COL21A1: variants seen among roughly 807,000 people sequenced by gnomAD.
COL21A1 encodes collagen type XXI alpha 1 chain.
COL21A1 carries 149 observed loss-of-function variants against 137.9 expected under a neutral mutation model. The observed-to-expected ratio is 1.08, with a 90% confidence interval of 0.95 to 1.24. The LOEUF (loss-of-function observed/expected upper bound fraction) is 1.24, where lower values mean the gene tolerates loss of function less well. COL21A1 is among the 50% of genes most tolerant of loss of function. The pLI is 0.00. For missense variants in COL21A1, 1,167 were observed against 1,158.4 expected (o/e 1.01, Z -0.11); for synonymous variants, 456 against 391.5 (o/e 1.16, Z -1.95).
chr6:56,077,563 C>T lies in COL21A1; in HGVS notation c.1823G>A (p.Gly608Glu). ...CATTAATCCTCGGTTTCCAGGAAATCCTGGGATTCCCTAAAAACAAATAAA... is the reference window on the plus strand; with the variant it reads ...CATTAATCCTCGGTTTCCAGGAAATTCTGGGATTCCCTAAAAACAAATAAA... ...DGTRGEPGIP[G>E]FPGNRGLMGQ... The change falls in exon 18 of 30, where the codon GGA becomes GAA. Residue 608 changes from glycine to glutamate, a missense_variant. By Grantham distance (98) the Gly-to-Glu change is moderately conservative. Transcript: ENST00000244728. The T allele has an allele frequency of 6.4e-7, 1 of 1,569,762 alleles. No individual in the cohort carries two copies. Among genetic ancestry groups the T allele is most frequent in the Non-Finnish European group, 8.7e-7 (1 of 1,155,040 alleles).
At chr6:56,096,236 T>TC (rs1307919692) in intron 17 of COL21A1, among the ~76,000 whole-genome samples, 1 of 151,718 alleles carries the variant, frequency 6.6e-6, no homozygotes, top group African/African-American at 2.4e-5. Flanking sequence ...CCTTTCAGGC[T>TC]CCCCCCATAC....
intron 12 of COL21A1, among the ~76,000 whole-genome samples, chr6:56,130,756 T>C (rs1773495557): frequency 6.6e-6 from 1 of 151,796 alleles, no homozygotes; most frequent in Non-Finnish European, 1.5e-5. Context: ...CATAAATCAG[T>C]GTGAGAGAGA....
rs77245070 is a variant in COL21A1 at position 56,238,905 on chromosome 6, G to C, written c.-39+8482C>G. ...TAATCTGAATACTTTGTATCTGCCA[G>C]CCCTTATGCCAAAGGGTTTATGTGC... is the stretch of plus-strand genomic sequence containing the variant. On this transcript the variant is annotated intron_variant, in intron 1 of 29. Transcript: ENST00000244728. 8.2e-3 allele frequency among the ~76,000 whole-genome samples: 1,250 copies of C among 152,272 alleles called. 20 individuals are homozygous for C. The highest frequency in any genetic ancestry group is 0.029 in the African/African-American group (1,204 of 41,548).
chr6:56,058,464 A>G (rs1002128937), intron 29 of COL21A1, among the ~76,000 whole-genome samples: 1 of 152,156 alleles, frequency 6.6e-6, no homozygotes, highest in Non-Finnish European at 1.5e-5. Flanking sequence ...AATAACAAAA[A>G]ATATTCAGAT....
chr6:56,344,760 T>C (rs6903698), intron 1 of COL21A1, among the ~76,000 whole-genome samples: 27,849 of 151,976 alleles, frequency 0.18, 2,724 homozygotes, highest in Non-Finnish European at 0.19. Context: ...TGAGTTCTCA[T>C]GAGATCTGGT....
chr6:56,316,718 G>A (rs1041288425), intron 1 of COL21A1, among the ~76,000 whole-genome samples: 1 of 137,172 alleles, frequency 7.3e-6, no homozygotes, highest in African/African-American at 2.6e-5. Context: ...CTGGCCTCAA[G>A]TGATCCACCC....
intron 2 of COL21A1, 93 bp from the exon 3 acceptor site, chr6:56,180,222 T>C: frequency 1.1e-6 from 1 of 882,870 alleles, no homozygotes; most frequent in Non-Finnish European, 1.7e-6. Context: ...TATACACTAA[T>C]ATCATTGCTT....
intron 1 of COL21A1, among the ~76,000 whole-genome samples, chr6:56,339,879 C>T (rs954400664): frequency 2.0e-5 from 3 of 151,848 alleles, no homozygotes; most frequent in African/African-American, 7.3e-5. Context: ...GGGAGAATAC[C>T]GGAAAAAATA....
chr6:56,341,760 G>T (rs1765473405), intron 1 of COL21A1, among the ~76,000 whole-genome samples: 1 of 152,166 alleles, frequency 6.6e-6, no homozygotes, highest in South Asian at 2.1e-4. Context: ...TTCATGGCTT[G>T]TAACAAGTGG....
intron 12 of COL21A1, among the ~76,000 whole-genome samples, chr6:56,128,593 C>T (rs995908207): frequency 5.3e-5 from 8 of 152,142 alleles, no homozygotes; most frequent in Non-Finnish European, 7.3e-5. Flanking sequence ...CTGGAGGCCA[C>T]GTAGAGAAAG....
intron 1 of COL21A1, among the ~76,000 whole-genome samples, chr6:56,365,471 C>T (rs1581778019): frequency 6.6e-6 from 1 of 152,132 alleles, no homozygotes; most frequent in South Asian, 2.1e-4. Flanking sequence ...CCTACCCTTA[C>T]CATTTAACTT....
At chr6:56,156,770 C>CTATGG (rs1222034293) in intron 10 of COL21A1, 117 bp downstream of exon 10, 1 of 820,386 alleles carries the variant, frequency 1.2e-6, no homozygotes, top group African/African-American at 1.7e-5. Flanking sequence ...TCTCTCCTTC[C>CTATGG]TATGGCAGCA....
chr6:56,281,382 G>A (rs560644525), intron 1 of COL21A1, among the ~76,000 whole-genome samples: 64 of 152,106 alleles, frequency 4.2e-4, no homozygotes, highest in Middle Eastern at 3.4e-3. Flanking sequence ...AACATGTTTC[G>A]TCCTTTTTAC....
chr6:56,366,583 C>G (rs1225224236), intron 1 of COL21A1, among the ~76,000 whole-genome samples: 1 of 152,200 alleles, frequency 6.6e-6, no homozygotes, highest in Non-Finnish European at 1.5e-5. Flanking sequence ...TCTTCTCTTG[C>G]AAGCAATAGA....
chr6:56,278,751 T>C (rs933291757), intron 1 of COL21A1, among the ~76,000 whole-genome samples: 1 of 152,136 alleles, frequency 6.6e-6, no homozygotes, highest in Non-Finnish European at 1.5e-5. Context: ...CACCGATTGG[T>C]GGTGAATGAT....
chr6:56,170,607 C>T (rs909683007), intron 5 of COL21A1, 42 bp downstream of exon 5: 4 of 1,365,364 alleles, frequency 2.9e-6, no homozygotes, highest in African/African-American at 2.9e-5. Context: ...TAGTGCTTCC[C>T]CATGAATATC....
intron 1 of COL21A1, among the ~76,000 whole-genome samples, chr6:56,288,080 T>G (rs1425510607): frequency 6.6e-6 from 1 of 152,190 alleles, no homozygotes; most frequent in Non-Finnish European, 1.5e-5. Flanking sequence ...CATATTTGTT[T>G]GTTTTAAACC....
At chr6:56,090,847 A>G (rs947233369) in intron 17 of COL21A1, among the ~76,000 whole-genome samples, 3 of 151,750 alleles carry the variant, frequency 2.0e-5, no homozygotes, top group Non-Finnish European at 4.4e-5. Flanking sequence ...TTGTAATAGC[A>G]GATATATGAG....
intron 1 of COL21A1, among the ~76,000 whole-genome samples, chr6:56,230,407 T>C (rs1231346735): frequency 1.3e-5 from 2 of 151,966 alleles, no homozygotes; most frequent in Non-Finnish European, 2.9e-5. Flanking sequence ...TACATTTTAT[T>C]TCTCCTAAAA....
Sources: allele counts gnomAD v4.1 joint callset (sites outside exome capture counted in the v4.1 genomes callset), GRCh38; gene constraint gnomAD v4.1.1; transcripts MANE v1.5; gene names NCBI Gene and HGNC (gene_info 2026-07-23, HGNC 2026-07-21).